Variants in AGO2 observed in about 807,000 individuals in gnomAD.
AGO2 encodes the protein protein argonaute-2.
In AGO2, 5 loss-of-function variants were observed where a neutral mutation model predicts 102.3. That is an observed-to-expected ratio of 0.05 (90% CI 0.03 to 0.10). AGO2 has a LOEUF of 0.10. Among genes scored for constraint, AGO2 ranks in the 10% least tolerant of loss-of-function variants. The pLI is 1.00. For missense variants in AGO2, 541 were observed against 1,183.7 expected (o/e 0.46, Z 7.97); for synonymous variants, 449 against 473.1 (o/e 0.95, Z 0.66).
At chr8:140,565,498 C>T (rs1370290183) in intron 3 of AGO2, among the ~76,000 whole-genome samples, 7 of 145,272 alleles carry the variant, frequency 4.8e-5, no homozygotes, top group African/African-American at 1.3e-4. Flanking sequence ...AAAAATTAGT[C>T]GGGTATGGTG....
At chr8:140,634,718 G>A (rs1260238658) in intron 1 of AGO2, among the ~76,000 whole-genome samples, 8 of 152,234 alleles carry the variant, frequency 5.3e-5, no homozygotes, top group Non-Finnish European at 1.2e-4. Context: ...AATTGTAAAA[G>A]GAATTAGCAC....
chr8:140,528,471 T>G lies in AGO2; in HGVS notation c.*3573A>C, dbSNP rs1458821895. On this transcript the variant is annotated 3_prime_UTR_variant, in exon 19 of 19. Coordinates refer to ENST00000220592, the MANE Select transcript of AGO2 (RefSeq NM_012154.5). The surrounding 1 kb of genome is among the most constrained non-coding windows in gnomAD (Gnocchi z 4.5). The stretch of plus-strand genomic sequence containing the variant: ...CCGTCACGGGGGTAAACATTAGTGA[T>G]AGCAGTTTAGGTCAGCCTCAAACAA... 6.6e-6 allele frequency: 1 copy of G among 152,206 alleles called. No individual in the cohort carries two copies. The highest frequency in any genetic ancestry group is 1.5e-5 in the Non-Finnish European group (1 of 68,054). The allele number at this position is 152,206 out of a possible 1,614,324, so 9.4% of individuals were successfully genotyped here. A position where few individuals can be genotyped will look rare whatever the true frequency, so the allele number is the denominator to read the frequency against.
intron 2 of AGO2, among the ~76,000 whole-genome samples, chr8:140,582,986 C>T (rs2073580362): frequency 6.6e-6 from 1 of 152,216 alleles, no homozygotes; most frequent in African/African-American, 2.4e-5. Context: ...TGGCTGCTTC[C>T]AGAGGAGACT....
At chr8:140,574,070 C>G (rs2073426691) in intron 2 of AGO2, among the ~76,000 whole-genome samples, 1 of 152,124 alleles carries the variant, frequency 6.6e-6, no homozygotes, top group Non-Finnish European at 1.5e-5. Flanking sequence ...CAGAAGGCTG[C>G]TAGATGCAAG....
chr8:140,539,757 G>C lies in AGO2; in HGVS notation c.2035-303C>G, dbSNP rs748190384. 1.3e-5 allele frequency among the ~76,000 whole-genome samples: 2 copies of C among 152,242 alleles called. No homozygotes were observed. The highest frequency in any genetic ancestry group is 4.1e-4 in the South Asian group (2 of 4,836). On this transcript the variant is annotated intron_variant, in intron 15 of 18. Coordinates refer to ENST00000220592, the MANE Select transcript of AGO2 (RefSeq NM_012154.5). This position sits in a 1 kb window ranked among gnomAD's most constrained non-coding sequence, Gnocchi z 4.7. The stretch of plus-strand genomic sequence containing the variant: ...GGATGCAGGCTGGGCTCTGCGCTGA[G>C]AAGGCACATGCAGAGGCCAAGCTCC...
At chr8:140,584,137 A>T (rs1448507265) in intron 2 of AGO2, among the ~76,000 whole-genome samples, 2 of 38,726 alleles carry the variant, frequency 5.2e-5, no homozygotes, top group African/African-American at 1.3e-4. Context: ...GAAACTCAGT[A>T]AAAAAAAAAA....
At chr8:140,586,410 T>C (rs557528538) in intron 1 of AGO2, among the ~76,000 whole-genome samples, 113 of 152,282 alleles carry the variant, frequency 7.4e-4, no homozygotes, top group African/African-American at 2.6e-3. Context: ...GGAGAACCGC[T>C]TGAACGCGGA....
chr8:140,604,291 G>A (rs1171357359), intron 1 of AGO2, among the ~76,000 whole-genome samples: 1 of 152,244 alleles, frequency 6.6e-6, no homozygotes, highest in African/African-American at 2.4e-5. Context: ...CTAGCTGGGA[G>A]TTCATGTTCA....
rs548019847 is a variant in AGO2, at chr8:140,562,250, C to T, written c.518+203G>A. Among the ~76,000 whole-genome samples, 14 of 152,342 alleles carry T rather than the reference C, an allele frequency of 9.2e-5. No individual in the cohort carries two copies. The East Asian group carries it at 1.5e-3, about 17-fold the overall frequency. ...GGGAGGCCAACGTTCCGGGCCAGGC[C>T]GAAAATGCTGGTGACTTATGTTTAT... On this transcript the variant is annotated intron_variant, in intron 4 of 18. Transcript: ENST00000220592.
At position 140,604,553 on chromosome 8, in the gene AGO2, G is replaced by A. The variant is rs535475030; in HGVS notation, c.23-19242C>T. On this transcript the variant is annotated intron_variant, in intron 1 of 18. Transcript: ENST00000220592. ...TAAAAATACAAAAATTAGGCCGGGT[G>A]CGGTGGCTCATGCCTGTCATTCCAG... Among the ~76,000 whole-genome samples the A allele has an allele frequency of 2.1e-4, 32 of 152,242 alleles. 1 individual carries two copies. The highest frequency in any genetic ancestry group is 3.4e-3 in the Middle Eastern group (1 of 294).
At chr8:140,615,404 G>GC (rs111786513) in intron 1 of AGO2, among the ~76,000 whole-genome samples, 2,651 of 152,346 alleles carry the variant, frequency 0.017, 62 homozygotes, top group African/African-American at 0.059. Context: ...CCTGCTCTAG[G>GC]CCCCGGGCCC....
At chr8:140,569,761 T>C (rs1236493774) in intron 3 of AGO2, among the ~76,000 whole-genome samples, 3 of 152,186 alleles carry the variant, frequency 2.0e-5, no homozygotes, top group Admixed American at 6.5e-5. Flanking sequence ...TCCCAGCGTC[T>C]CCCGGGCCTG....
intron 1 of AGO2, among the ~76,000 whole-genome samples, chr8:140,602,111 A>G (rs1199636676): frequency 1.3e-5 from 2 of 152,248 alleles, no homozygotes; most frequent in African/African-American, 4.8e-5. Context: ...ATCCATCGCA[A>G]TGAGCACATC....
chr8:140,580,292 C>A (rs2073536169), intron 2 of AGO2, among the ~76,000 whole-genome samples: 1 of 152,262 alleles, frequency 6.6e-6, no homozygotes, highest in African/African-American at 2.4e-5. Context: ...GTGTAGTTGT[C>A]AGAATGTCAC....
chr8:140,557,958 T>G lies in AGO2; in HGVS notation c.878+527A>C, dbSNP rs1432690652. On this transcript the variant is annotated intron_variant, in intron 7 of 18. Transcript: ENST00000220592. This position sits in a 1 kb window ranked among gnomAD's most constrained non-coding sequence, Gnocchi z 5.9. ...CTGGCACTTTCCATGGAATGATCCA[T>G]GAAATAAACGAACCCTACCGGCCTG... 6.6e-6 allele frequency among the ~76,000 whole-genome samples: 1 copy of G among 152,126 alleles called. No homozygotes were observed. The highest frequency in any genetic ancestry group is 1.5e-5 in the Non-Finnish European group (1 of 68,000).
intron 14 of AGO2, among the ~76,000 whole-genome samples, chr8:140,542,740 CG>C (rs913542385): frequency 3.9e-5 from 6 of 152,208 alleles, no homozygotes; most frequent in Admixed American, 6.5e-5. Context: ...GCAGGACCCT[CG>C]GGGGGTCCCC....
At chr8:140,626,280 G>T (rs1223463246) in intron 1 of AGO2, among the ~76,000 whole-genome samples, 2 of 152,246 alleles carry the variant, frequency 1.3e-5, no homozygotes, top group Non-Finnish European at 2.9e-5. Context: ...TCTCAAGGCC[G>T]CTGTGGACAC....
chr8:140,631,458 C>CGGG (rs756287101), intron 1 of AGO2, among the ~76,000 whole-genome samples: 1 of 150,796 alleles, frequency 6.6e-6, no homozygotes, highest in Non-Finnish European at 1.5e-5. Context: ...CGCTTGAACC[C>CGGG]GGGAGGAGGA....
chr8:140,624,719 G>T (rs1177389274), intron 1 of AGO2, among the ~76,000 whole-genome samples: 1 of 152,238 alleles, frequency 6.6e-6, no homozygotes, highest in Non-Finnish European at 1.5e-5. Flanking sequence ...GACTTCGGAT[G>T]CCGGACACTA....
Sources: allele counts gnomAD v4.1 joint callset (sites outside exome capture counted in the v4.1 genomes callset), GRCh38; gene constraint gnomAD v4.1.1; non-coding constraint Gnocchi (gnomAD v3.1); transcripts MANE v1.5; gene names NCBI Gene and HGNC (gene_info 2026-07-23, HGNC 2026-07-21).